EPHA3: variants seen among roughly 807,000 people sequenced by gnomAD.
EPHA3 encodes the protein ephrin type-A receptor 3.
A neutral mutation model predicts 107.1 loss-of-function variants in EPHA3; 42 were observed. That is an observed-to-expected ratio of 0.39 (90% CI 0.31 to 0.51). The LOEUF is 0.51. Ranked by LOEUF, EPHA3 falls within the 20% of genes least tolerant of loss-of-function variation. The pLI is 0.78. For synonymous variants in EPHA3, 461 were observed against 424.8 expected (o/e 1.09, Z -1.05); for missense variants, 1,183 against 1,211.2 (o/e 0.98, Z 0.35).
At chr3:89,201,358 G>C (rs750101474) in intron 2 of EPHA3, among the ~76,000 whole-genome samples, 1 of 152,156 alleles carries the variant, frequency 6.6e-6, no homozygotes, top group Non-Finnish European at 1.5e-5. Context: ...TGGGGACACA[G>C]AGCCAACGGT....
At chr3:89,211,089 A>G (rs181760394) in intron 3 of EPHA3, among the ~76,000 whole-genome samples, 9 of 152,236 alleles carry the variant, frequency 5.9e-5, no homozygotes, top group East Asian at 1.9e-4. Context: ...TGTTTAATGT[A>G]TACAGGCATG....
At chr3:89,403,024 A>G (rs1211670877) in intron 7 of EPHA3, among the ~76,000 whole-genome samples, 1 of 152,228 alleles carries the variant, frequency 6.6e-6, no homozygotes, top group Non-Finnish European at 1.5e-5. Context: ...CATGACATGT[A>G]TGCATATTTC....
chr3:89,149,554 A>G (rs2107039009), intron 2 of EPHA3, among the ~76,000 whole-genome samples: 1 of 152,052 alleles, frequency 6.6e-6, no homozygotes, highest in African/African-American at 2.4e-5. Flanking sequence ...TTACATATGT[A>G]TACATGTGCC....
At chr3:89,165,328 A>C (rs1253387984) in intron 2 of EPHA3, among the ~76,000 whole-genome samples, 1 of 152,234 alleles carries the variant, frequency 6.6e-6, no homozygotes, top group Non-Finnish European at 1.5e-5. Flanking sequence ...ATGTCATAGT[A>C]TGTAATCCAC....
At chr3:89,319,908 A>G (rs1205261604) in intron 3 of EPHA3, among the ~76,000 whole-genome samples, 2 of 151,976 alleles carry the variant, frequency 1.3e-5, no homozygotes, top group Non-Finnish European at 2.9e-5. Context: ...CTTGTTTTTA[A>G]TAAGTAATGG....
chr3:89,274,281 T>C (rs1206033456), intron 3 of EPHA3, among the ~76,000 whole-genome samples: 3 of 152,042 alleles, frequency 2.0e-5, no homozygotes, highest in Non-Finnish European at 2.9e-5. Flanking sequence ...AAATTTATTT[T>C]CATTTTAAAG....
intron 3 of EPHA3, among the ~76,000 whole-genome samples, chr3:89,326,829 C>A (rs1707175983): frequency 6.6e-6 from 1 of 151,858 alleles, no homozygotes; most frequent in Non-Finnish European, 1.5e-5. Context: ...CAAATTTGTC[C>A]ATCCTCTTTC....
At chr3:89,405,310 C>T (rs1709035388) in intron 7 of EPHA3, among the ~76,000 whole-genome samples, 1 of 152,054 alleles carries the variant, frequency 6.6e-6, no homozygotes, top group African/African-American at 2.4e-5. Flanking sequence ...TAACCCTTTG[C>T]CAGTACTGTT....
At chr3:89,361,720 C>G (rs1237136337) in intron 5 of EPHA3, among the ~76,000 whole-genome samples, 2 of 151,038 alleles carry the variant, frequency 1.3e-5, no homozygotes, top group East Asian at 3.9e-4. Flanking sequence ...ACCTGCCTCA[C>G]TCTCCTCTAT....
At chr3:89,303,088 G>T (rs77366152) in intron 3 of EPHA3, among the ~76,000 whole-genome samples, 7,235 of 151,928 alleles carry the variant, frequency 0.048, 570 homozygotes, top group African/African-American at 0.16. Flanking sequence ...TAGAGACAGG[G>T]TTTCACCATG....
chr3:89,317,902 A>T (rs544236069), intron 3 of EPHA3, among the ~76,000 whole-genome samples: 2 of 151,994 alleles, frequency 1.3e-5, no homozygotes, highest in Admixed American at 1.3e-4. Context: ...GCTTAAAAAG[A>T]GATTTGATAA....
intron 2 of EPHA3, among the ~76,000 whole-genome samples, chr3:89,173,698 A>G (rs1238835105): frequency 6.6e-6 from 1 of 152,026 alleles, no homozygotes; most frequent in African/African-American, 2.4e-5. Context: ...GGTCAGCTTC[A>G]CTGTATTTTT....
chr3:89,108,510 A>G (rs1365049774), intron 1 of EPHA3, among the ~76,000 whole-genome samples: 1 of 152,246 alleles, frequency 6.6e-6, no homozygotes, highest in African/African-American at 2.4e-5. Context: ...TTATATACAA[A>G]TAGGAGAATG....
chr3:89,338,833 CT>C (rs1707452567), intron 3 of EPHA3, among the ~76,000 whole-genome samples: 1 of 152,268 alleles, frequency 6.6e-6, no homozygotes, highest in South Asian at 2.1e-4. Context: ...CACTCAGTCA[CT>C]TTTTGTTTCT....
At chr3:89,448,347 G>C (rs1709919974) in intron 13 of EPHA3, among the ~76,000 whole-genome samples, 1 of 152,082 alleles carries the variant, frequency 6.6e-6, no homozygotes, top group Non-Finnish European at 1.5e-5. Flanking sequence ...TAGTTTTTCA[G>C]AGTAACTCAT....
rs556185769 is a variant in EPHA3 at position 89,128,845 on chromosome 3, T to A, written c.153+1572T>A. On this transcript the variant is annotated intron_variant, in intron 2 of 16. Transcript: ENST00000336596. Reference sequence around the variant, plus strand: ...TTAAAGAAGGTATAATGGTAACACATTTTTTATATTGGGAATTGGGGGAAA... The same window carrying A: ...TTAAAGAAGGTATAATGGTAACACAATTTTTATATTGGGAATTGGGGGAAA... Among the ~76,000 whole-genome samples, 155 of 152,178 alleles carry A rather than the reference T, an allele frequency of 1.0e-3. 1 individual carries two copies. The highest frequency in any genetic ancestry group is 3.7e-3 in the African/African-American group (154 of 41,542).
At position 89,236,572 on chromosome 3, in the gene EPHA3, G is replaced by A. The variant is rs1255343917; in HGVS notation, c.814+26052G>A. On this transcript the variant is annotated intron_variant, in intron 3 of 16. Coordinates refer to ENST00000336596, the MANE Select transcript of EPHA3 (RefSeq NM_005233.6). ...CAGGAAGGGGAACATCACACTCTGG[G>A]GACTGTTGTGGGGTGGGGGGAGGGG... Among the ~76,000 whole-genome samples the A allele has an allele frequency of 2.9e-5, 3 of 103,702 alleles. 1 individual carries two copies. Among genetic ancestry groups the A allele is most frequent in the South Asian group, 6.5e-4 (2 of 3,078 alleles). The allele number at this position is 103,702 out of a possible 152,430, so 68.0% of individuals were successfully genotyped here.
rs143453384 is a variant in EPHA3 at position 89,189,009 on chromosome 3, T to C, written c.154-20851T>C. Among the ~76,000 whole-genome samples, 760 of 152,310 alleles carry C rather than the reference T, an allele frequency of 5.0e-3. 3 individuals are homozygous for C. The highest frequency in any genetic ancestry group is 8.0e-3 in the Non-Finnish European group (546 of 68,026). On this transcript the variant is annotated intron_variant, in intron 2 of 16. Coordinates refer to ENST00000336596, the MANE Select transcript of EPHA3 (RefSeq NM_005233.6). ...GAGTTAAATATAAGACTATAGTAAG[T>C]GCTTCTCTCATGTGCTATCTAGACT...
chr3:89,414,572 C>A (rs886132348), intron 10 of EPHA3, among the ~76,000 whole-genome samples: 18 of 151,624 alleles, frequency 1.2e-4, no homozygotes, highest in African/African-American at 4.1e-4. Context: ...GTGCACTTTT[C>A]TCCAGCACGG....
Sources: gnomAD v4.1 joint callset for allele counts (sites outside exome capture counted in the v4.1 genomes callset) on GRCh38, gnomAD v4.1.1 for gene constraint, MANE v1.5 for transcripts, NCBI Gene and HGNC (gene_info 2026-07-23, HGNC 2026-07-21) for gene names.